ENOX2: variants seen among roughly 807,000 people sequenced by gnomAD.
ENOX2 encodes the protein APK1 antigen.
A neutral mutation model predicts 45.0 loss-of-function variants in ENOX2; 36 were observed. That is an observed-to-expected ratio of 0.80 (90% CI 0.61 to 1.06). ENOX2 has a LOEUF of 1.06. ENOX2 is among the 50% of genes least tolerant of loss of function. The probability of loss-of-function intolerance (pLI) is 0.00; values close to 1 mark genes in which losing one functional copy is unlikely to be tolerated. For missense variants in ENOX2, 423 were observed against 462.5 expected, an observed-to-expected ratio of 0.91 and a Z score of 0.78; for synonymous variants, 174 against 152.3, an observed-to-expected ratio of 1.14 and a Z score of -1.05.
chrX:130,722,238 C>CT (rs1043576116), intron 3 of ENOX2, among the ~76,000 whole-genome samples: 75 of 111,912 alleles, frequency 6.7e-4, no homozygotes, highest in African/African-American at 2.4e-3. Context: ...ATGAATATGT[C>CT]TTTTTTCAGC....
chrX:130,664,656 A>C (rs959210564), intron 9 of ENOX2, among the ~76,000 whole-genome samples: 18 of 112,479 alleles, frequency 1.6e-4, no homozygotes, highest in African/African-American at 5.5e-4. Context: ...GAAAGGCTGA[A>C]TAACTTGCTC....
chrX:130,688,735 T>C (rs1248553804), intron 5 of ENOX2, 128 bp downstream of exon 5: 29 of 550,845 alleles, frequency 5.3e-5, no homozygotes, highest in Middle Eastern at 5.8e-4. Flanking sequence ...TTTTCCTGTC[T>C]TCTGTTCTCT....
Position 130,884,740 on chromosome X carries a change from G to T in ENOX2, c.-183+16944C>A, listed in dbSNP as rs547483438. Among the ~76,000 whole-genome samples, 21 of 111,150 alleles carry T rather than the reference G, an allele frequency of 1.9e-4. No homozygotes were observed. The South Asian group carries it at 7.3e-3, about 39-fold the overall frequency. On this transcript the variant is annotated intron_variant, in intron 2 of 14. Transcript: ENST00000394363. ...CTGATCTATGAGAGAGAGAGAGAGAGAGAGAAAGAGAGACACAGAGACAGA... is the reference window on the plus strand; with the variant it reads ...CTGATCTATGAGAGAGAGAGAGAGATAGAGAAAGAGAGACACAGAGACAGA...
intron 10 of ENOX2, among the ~76,000 whole-genome samples, chrX:130,642,974 G>A (rs1226256112): frequency 9.0e-6 from 1 of 111,526 alleles, no homozygotes; most frequent in African/African-American, 3.3e-5. Flanking sequence ...GTGAGGTGAG[G>A]TGAGGTATTC....
intron 2 of ENOX2, among the ~76,000 whole-genome samples, chrX:130,840,658 G>C (rs770718122): frequency 9.0e-6 from 1 of 110,925 alleles, no homozygotes; most frequent in African/African-American, 3.3e-5. Context: ...CTTGAGTCTA[G>C]GGGTTCAAGA....
At chrX:130,646,344 T>G in intron 10 of ENOX2, 1 of 250,356 alleles carries the variant, frequency 4.0e-6, no homozygotes, top group South Asian at 6.0e-5. Flanking sequence ...CCAGTGGACT[T>G]ACTCCAGCCT....
intron 3 of ENOX2, among the ~76,000 whole-genome samples, chrX:130,737,456 G>GCACA (rs112463994): frequency 8.3e-4 from 89 of 107,232 alleles, no homozygotes; most frequent in African/African-American, 1.6e-3. Context: ...GCGTGCGCAC[G>GCACA]CACACACACA....
chrX:130,740,893 T>C (rs187957714), intron 3 of ENOX2, among the ~76,000 whole-genome samples: 1 of 111,503 alleles, frequency 9.0e-6, no homozygotes, highest in African/African-American at 3.3e-5. Flanking sequence ...ACTTGCTGTA[T>C]TATCTTGGGT....
intron 3 of ENOX2, among the ~76,000 whole-genome samples, chrX:130,740,400 C>G (rs2038955681): frequency 2.0e-5 from 2 of 98,828 alleles, no homozygotes; most frequent in South Asian, 8.6e-4. Flanking sequence ...GAGACTCTGT[C>G]TCAAAAAAAA....
chrX:130,834,732 T>G (rs2077900561), intron 2 of ENOX2, among the ~76,000 whole-genome samples: 1 of 111,467 alleles, frequency 9.0e-6, no homozygotes, highest in Non-Finnish European at 1.9e-5. Flanking sequence ...GATTTTAACA[T>G]TTTGAAACTG....
chrX:130,878,446 C>T (rs1297986667), intron 2 of ENOX2, among the ~76,000 whole-genome samples: 1 of 111,322 alleles, frequency 9.0e-6, no homozygotes, highest in Admixed American at 9.5e-5. Flanking sequence ...CAGGCTCATC[C>T]CTCCAGTGGT....
At chrX:130,822,121 G>A (rs1272459783) in intron 2 of ENOX2, among the ~76,000 whole-genome samples, 1 of 107,793 alleles carries the variant, frequency 9.3e-6, no homozygotes, top group African/African-American at 3.4e-5. Flanking sequence ...ACAGAGGAGA[G>A]GAAGTGAAAC....
chrX:130,637,361 A>G lies in ENOX2; in HGVS notation c.1179T>C (p.Arg393=). Reference sequence around the variant, plus strand: ...CATTCCGGTAGGCATCGAGCTGCCAACGGAGGCTGTCATTTTCTTCCTTCA... The same window carrying G: ...CATTCCGGTAGGCATCGAGCTGCCAGCGGAGGCTGTCATTTTCTTCCTTCA... ...EALKEENDSL[R]WQLDAYRNEV... The change falls in exon 11 of 15, where the codon CGT becomes CGC. Residue 393 remains arginine (R), a synonymous_variant. Coordinates refer to ENST00000394363, the MANE Select transcript of ENOX2 (RefSeq NM_006375.4). 8.3e-7 allele frequency: 1 copy of G among 1,211,202 alleles called. No individual in the cohort carries two copies. The highest frequency in any genetic ancestry group is 1.8e-5 in the South Asian group (1 of 56,947).
chrX:130,738,879 G>A (rs2038918468), intron 3 of ENOX2, among the ~76,000 whole-genome samples: 1 of 111,861 alleles, frequency 8.9e-6, no homozygotes, highest in Non-Finnish European at 1.9e-5. Flanking sequence ...AAAGAGAGCT[G>A]CTCTATTACC....
chrX:130,728,052 G>A (rs766386263), intron 3 of ENOX2, among the ~76,000 whole-genome samples: 47 of 111,358 alleles, frequency 4.2e-4, no homozygotes, highest in African/African-American at 1.4e-3. Flanking sequence ...AGTAGAGGGC[G>A]TTAGGGAGAC....
intron 10 of ENOX2, among the ~76,000 whole-genome samples, chrX:130,641,778 A>AGAAACG (rs1157932333): frequency 1.8e-5 from 2 of 109,752 alleles, no homozygotes; most frequent in Admixed American, 9.7e-5. Context: ...CCTGTGCTTT[A>AGAAACG]GAAACGGAAC....
chrX:130,812,870 TA>T (rs1339361971), intron 2 of ENOX2, among the ~76,000 whole-genome samples: 1 of 111,194 alleles, frequency 9.0e-6, no homozygotes, highest in Non-Finnish European at 1.9e-5. Flanking sequence ...AGAACAAAGT[TA>T]GGGGCAGCAC....
intron 2 of ENOX2, among the ~76,000 whole-genome samples, chrX:130,814,557 C>T (rs1306026045): frequency 2.7e-5 from 3 of 111,906 alleles, no homozygotes; most frequent in Non-Finnish European, 3.8e-5. Context: ...AAAGAGGCAG[C>T]AATCTTTGCT....
At chrX:130,832,855 C>T (rs2077861080) in intron 2 of ENOX2, among the ~76,000 whole-genome samples, 1 of 111,080 alleles carries the variant, frequency 9.0e-6, no homozygotes, top group African/African-American at 3.3e-5. Context: ...CCCCTTTTAG[C>T]AAAATGTTGG....
Sources: allele counts gnomAD v4.1 joint callset (sites outside exome capture counted in the v4.1 genomes callset), GRCh38; gene constraint gnomAD v4.1.1; transcripts MANE v1.5; gene names NCBI Gene and HGNC (gene_info 2026-07-23, HGNC 2026-07-21).